Variants in LINC00632 observed in about 807,000 individuals in gnomAD.
LINC00632 encodes the protein ALDOA related specific transcript.
chrX:140,748,891 T>A (rs200611221), intron 3 of LINC00632, among the ~76,000 whole-genome samples: 2 of 95,797 alleles, frequency 2.1e-5, no homozygotes, highest in African/African-American at 7.3e-5. Flanking sequence ...ATATATAAAA[T>A]AAAATATATA....
At chrX:140,754,810 G>A (rs746986467) in intron 3 of LINC00632, among the ~76,000 whole-genome samples, 5 of 107,794 alleles carry the variant, frequency 4.6e-5, no homozygotes, top group South Asian at 8.8e-4. Flanking sequence ...AGCAGCCATC[G>A]ATTTCATGTT....
intron 3 of LINC00632, among the ~76,000 whole-genome samples, chrX:140,746,847 A>G (rs73590198): frequency 0.064 from 7,162 of 111,503 alleles, 447 homozygotes; most frequent in African/African-American, 0.2. Flanking sequence ...GACATTTACT[A>G]TATTTACTGT....
At chrX:140,781,822 G>C (rs1470424235) in exon 5 of LINC00632, among the ~76,000 whole-genome samples, 1 of 111,760 alleles carries the variant, frequency 8.9e-6, no homozygotes, top group Admixed American at 9.5e-5. Context: ...TTTACTTACT[G>C]TCTGTGACTG....
At chrX:140,780,630 C>T (rs1171476917) in exon 5 of LINC00632, among the ~76,000 whole-genome samples, 1 of 111,599 alleles carries the variant, frequency 9.0e-6, no homozygotes, top group Non-Finnish European at 1.9e-5. Context: ...CTTTGCTTGA[C>T]CACCAAAATA....
intron 2 of LINC00632, among the ~76,000 whole-genome samples, chrX:140,728,804 G>C (rs1000375922): frequency 2.7e-5 from 3 of 111,325 alleles, no homozygotes; most frequent in Admixed American, 1.9e-4. Context: ...CAACCCATGT[G>C]AGATTCTCCC....
intron 2 of LINC00632, among the ~76,000 whole-genome samples, chrX:140,726,536 C>T (rs1930965584): frequency 8.9e-6 from 1 of 111,917 alleles, no homozygotes; most frequent in Non-Finnish European, 1.9e-5. Flanking sequence ...AATAAATTCA[C>T]AGCTCACACT....
exon 5 of LINC00632, chrX:140,783,535 C>T (rs765161231): frequency 1.7e-6 from 2 of 1,151,166 alleles, no homozygotes; most frequent in South Asian, 4.1e-5. Flanking sequence ...GTGTCTTCCA[C>T]CAAATCCAAG....
chrX:140,771,461 A>C (rs2148400984), intron 3 of LINC00632, among the ~76,000 whole-genome samples: 1 of 107,679 alleles, frequency 9.3e-6, no homozygotes, highest in African/African-American at 3.4e-5. Flanking sequence ...AATTAAAACA[A>C]AAATTAGATA....
intron 3 of LINC00632, among the ~76,000 whole-genome samples, chrX:140,768,907 T>G (rs1225662675): frequency 9.3e-6 from 1 of 107,076 alleles, no homozygotes; most frequent in African/African-American, 3.4e-5. Flanking sequence ...AGGCTTCATG[T>G]CTTTCTGATG....
chrX:140,731,930 G>C (rs1931063433), intron 2 of LINC00632, among the ~76,000 whole-genome samples: 1 of 111,569 alleles, frequency 9.0e-6, no homozygotes, highest in Non-Finnish European at 1.9e-5. Flanking sequence ...CAGGCAAGGC[G>C]TGGCAGTTCG....
intron 3 of LINC00632, among the ~76,000 whole-genome samples, chrX:140,737,165 G>T (rs1397586327): frequency 9.0e-6 from 1 of 110,939 alleles, no homozygotes; most frequent in African/African-American, 3.3e-5. Context: ...CTCCCAAAGT[G>T]CTGGCATTAC....
At chrX:140,783,900 C>T in exon 5 of LINC00632, 1 of 1,208,943 alleles carries the variant, frequency 8.3e-7, no homozygotes, top group Non-Finnish European at 1.1e-6. Flanking sequence ...TAATTTGGGT[C>T]TTCCTGAAAA....
chrX:140,739,690 T>C (rs1931195804), intron 3 of LINC00632, among the ~76,000 whole-genome samples: 1 of 111,317 alleles, frequency 9.0e-6, no homozygotes, highest in African/African-American at 3.3e-5. Flanking sequence ...TATCATGATA[T>C]AACAACAGCC....
intron 3 of LINC00632, among the ~76,000 whole-genome samples, chrX:140,768,707 T>C (rs1012241338): frequency 3.9e-4 from 38 of 98,082 alleles, no homozygotes; most frequent in African/African-American, 1.3e-3. Flanking sequence ...TATTATATAA[T>C]AAATATATAT....
rs139134563 is a variant in LINC00632 at position 140,720,386 on chromosome X, G to A, written n.104+8730G>A. Among the ~76,000 whole-genome samples the A allele has an allele frequency of 6.5e-3, 724 of 111,194 alleles. 7 individuals carry two copies. The highest frequency in any genetic ancestry group is 0.023 in the African/African-American group (690 of 30,526). On this transcript the variant is annotated intron_variant and non_coding_transcript_variant, in intron 2 of 4. Coordinates refer to ENST00000648200, the Ensembl canonical transcript of LINC00632. Reference sequence around the variant, plus strand: ...CATCTGAAACATAGAGATACATTATGCCACACCTAGAATGACCCCCCAGAA... The same window carrying A: ...CATCTGAAACATAGAGATACATTATACCACACCTAGAATGACCCCCCAGAA...
intron 2 of LINC00632, among the ~76,000 whole-genome samples, chrX:140,718,556 G>A (rs1930676954): frequency 9.1e-6 from 1 of 109,732 alleles, no homozygotes; most frequent in African/African-American, 3.3e-5. Context: ...GGGATTACAG[G>A]CCCGCCACCA....
At chrX:140,724,702 T>TAC (rs747665644) in intron 2 of LINC00632, among the ~76,000 whole-genome samples, 13 of 27,984 alleles carry the variant, frequency 4.6e-4, no homozygotes, top group African/African-American at 1.4e-3. Context: ...ACACATCCAG[T>TAC]ACACACACAC....
At chrX:140,757,116 T>C (rs1205611861) in intron 3 of LINC00632, among the ~76,000 whole-genome samples, 1 of 111,153 alleles carries the variant, frequency 9.0e-6, no homozygotes, top group Non-Finnish European at 1.9e-5. Flanking sequence ...ATTGGCTCCA[T>C]ATTTTCTGAT....
intron 3 of LINC00632, among the ~76,000 whole-genome samples, chrX:140,769,864 C>T (rs1475471530): frequency 4.5e-5 from 5 of 111,547 alleles, no homozygotes; most frequent in Non-Finnish European, 7.5e-5. Context: ...AATGCTACTC[C>T]TTTTGAGAGC....
Sources: gnomAD v4.1 joint callset for allele counts (sites outside exome capture counted in the v4.1 genomes callset) on GRCh38, gnomAD v4.1.1 for gene constraint, MANE v1.5 for transcripts, NCBI Gene and HGNC (gene_info 2026-07-23, HGNC 2026-07-21) for gene names.